The following GRID2 variants were observed in gnomAD, a reference collection of about 807,000 sequenced individuals.
GRID2 encodes the protein glutamate ionotropic receptor delta type subunit 2.
A neutral mutation model predicts 114.8 loss-of-function variants in GRID2; 33 were observed. The ratio of observed to expected loss-of-function variants is 0.29; its 90% confidence interval spans 0.22 to 0.38. The LOEUF is 0.38. Among genes scored for constraint, GRID2 ranks in the 10% least tolerant of loss-of-function variants. The pLI is 1.00. For synonymous variants in GRID2, 505 were observed against 449.9 expected (o/e 1.12, Z -1.55); for missense variants, 1,184 against 1,257.7 (o/e 0.94, Z 0.89).
At chr4:92,613,856 A>G (rs1276725451) in intron 2 of GRID2, among the ~76,000 whole-genome samples, 1 of 150,854 alleles carries the variant, frequency 6.6e-6, no homozygotes, top group East Asian at 2.0e-4. Flanking sequence ...TTTGCTCTTT[A>G]TTATTTCCTT....
chr4:92,347,934 A>G (rs1424284412), intron 1 of GRID2, among the ~76,000 whole-genome samples: 1 of 152,214 alleles, frequency 6.6e-6, no homozygotes, highest in Non-Finnish European at 1.5e-5. Context: ...CAGCAGCTTT[A>G]TAAAATAAGT....
chr4:92,922,158 A>G (rs1461924186), intron 2 of GRID2, among the ~76,000 whole-genome samples: 3 of 152,184 alleles, frequency 2.0e-5, no homozygotes, highest in Admixed American at 1.3e-4. Context: ...GGTGCGGGAT[A>G]TAATCTCGTG....
At chr4:93,523,880 G>C (rs949329265) in intron 13 of GRID2, among the ~76,000 whole-genome samples, 7 of 152,126 alleles carry the variant, frequency 4.6e-5, no homozygotes, top group Non-Finnish European at 1.0e-4. Flanking sequence ...GCTGTGAGTA[G>C]AAAACAGATT....
At chr4:92,621,372 A>G (rs1164771658) in intron 2 of GRID2, among the ~76,000 whole-genome samples, 2 of 151,910 alleles carry the variant, frequency 1.3e-5, no homozygotes, top group Non-Finnish European at 2.9e-5. Context: ...CTCATTGGCA[A>G]CTATTTACAT....
intron 2 of GRID2, among the ~76,000 whole-genome samples, chr4:92,843,330 A>G (rs916984814): frequency 6.6e-6 from 1 of 152,104 alleles, no homozygotes; most frequent in Non-Finnish European, 1.5e-5. Context: ...TCAGCCATCA[A>G]CAACACAAGG....
At chr4:92,554,457 A>G (rs996611732) in intron 1 of GRID2, among the ~76,000 whole-genome samples, 2 of 152,200 alleles carry the variant, frequency 1.3e-5, no homozygotes, top group African/African-American at 4.8e-5. Context: ...TATAGACAAA[A>G]TGTAAAAACA....
chr4:92,347,808 A>G (rs908588599), intron 1 of GRID2, among the ~76,000 whole-genome samples: 3 of 152,136 alleles, frequency 2.0e-5, no homozygotes, highest in Non-Finnish European at 4.4e-5. Flanking sequence ...ATGATTTATG[A>G]AAAGAGACAC....
chr4:93,058,186 A>G (rs762441174), intron 2 of GRID2, among the ~76,000 whole-genome samples: 9 of 151,332 alleles, frequency 5.9e-5, no homozygotes, highest in African/African-American at 9.7e-5. Context: ...TAAACTAACA[A>G]CAAAAGCTAG....
intron 4 of GRID2, among the ~76,000 whole-genome samples, chr4:93,150,178 T>G (rs1736611788): frequency 6.6e-6 from 1 of 152,196 alleles, no homozygotes; most frequent in African/African-American, 2.4e-5. Context: ...TTTCAGATTT[T>G]CTGGGAGAGT....
intron 12 of GRID2, among the ~76,000 whole-genome samples, chr4:93,498,259 T>C (rs1727739102): frequency 6.6e-6 from 1 of 151,784 alleles, no homozygotes; most frequent in South Asian, 2.1e-4. Flanking sequence ...AGATGGTACT[T>C]TGACTGCTGT....
chr4:92,935,749 A>G (rs1750621561), intron 2 of GRID2, among the ~76,000 whole-genome samples: 1 of 146,000 alleles, frequency 6.8e-6, no homozygotes, highest in Non-Finnish European at 1.5e-5. Context: ...CATGGATGAA[A>G]TTGGAAATTA....
chr4:93,660,143 C>G (rs1454082484), intron 14 of GRID2, among the ~76,000 whole-genome samples: 5 of 151,846 alleles, frequency 3.3e-5, no homozygotes, highest in Non-Finnish European at 2.9e-5. Flanking sequence ...AAAGAATATC[C>G]GCATGTGAAA....
chr4:92,659,019 C>T (rs1182556103), intron 2 of GRID2, among the ~76,000 whole-genome samples: 5 of 149,000 alleles, frequency 3.4e-5, no homozygotes, highest in Non-Finnish European at 7.5e-5. Context: ...TTATTTTCTA[C>T]ACTCTAGTTG....
chr4:93,034,267 C>T (rs779890370), intron 2 of GRID2, among the ~76,000 whole-genome samples: 12 of 152,174 alleles, frequency 7.9e-5, no homozygotes, highest in Non-Finnish European at 1.6e-4. Context: ...CACAGTGGTT[C>T]TCAAATAATA....
chr4:92,875,840 A>G (rs567777581), intron 2 of GRID2, among the ~76,000 whole-genome samples: 2 of 152,264 alleles, frequency 1.3e-5, no homozygotes, highest in East Asian at 1.9e-4. Context: ...TTTTTTGTCA[A>G]TAATCATTAA....
At chr4:93,290,853 T>C (rs1231642792) in intron 8 of GRID2, among the ~76,000 whole-genome samples, 2 of 150,920 alleles carry the variant, frequency 1.3e-5, no homozygotes, top group African/African-American at 4.9e-5. Context: ...CATCAAAGGG[T>C]TCAAAAGCAT....
chr4:93,604,769 A>C (rs1740037347), intron 13 of GRID2, among the ~76,000 whole-genome samples: 1 of 152,242 alleles, frequency 6.6e-6, no homozygotes, highest in South Asian at 2.1e-4. Context: ...CTCCACCAGC[A>C]AAAAGATTAC....
At chr4:93,000,758 G>T (rs1440759790) in intron 2 of GRID2, among the ~76,000 whole-genome samples, 2 of 119,918 alleles carry the variant, frequency 1.7e-5, no homozygotes, top group Non-Finnish European at 3.2e-5. Flanking sequence ...TCCATTAAGG[G>T]TACACATGGA....
chr4:93,210,764 T>C (rs1437193333), intron 5 of GRID2, among the ~76,000 whole-genome samples: 3 of 152,222 alleles, frequency 2.0e-5, no homozygotes, highest in Non-Finnish European at 4.4e-5. Flanking sequence ...TTATGGTTTA[T>C]ATTTTTGAAA....
Sources: allele counts gnomAD v4.1 joint callset (sites outside exome capture counted in the v4.1 genomes callset), GRCh38; gene constraint gnomAD v4.1.1; transcripts MANE v1.5; gene names NCBI Gene and HGNC (gene_info 2026-07-23, HGNC 2026-07-21).